Variants in TENM4 observed in about 807,000 individuals in gnomAD.
The protein encoded by TENM4 is teneurin-4.
Under a neutral mutation model 243.3 loss-of-function variants are expected in TENM4, and 82 were observed. The ratio of observed to expected loss-of-function variants is 0.34; its 90% CI spans 0.28 to 0.40. The LOEUF (loss-of-function observed/expected upper bound fraction) is 0.40, where lower values mean the gene tolerates loss of function less well. TENM4 is among the 10% of genes least tolerant of loss of function. The pLI is 1.00. For missense variants in TENM4, 3,138 were observed against 3,673.3 expected, an observed-to-expected ratio of 0.85 and a Z score of 3.77; for synonymous variants, 1,412 against 1,456.3, an observed-to-expected ratio of 0.97 and a Z score of 0.69.
chr11:78,800,483 GT>G (rs1857258145), intron 15 of TENM4, among the ~76,000 whole-genome samples: 1 of 152,120 alleles, frequency 6.6e-6, no homozygotes, highest in Non-Finnish European at 1.5e-5. Flanking sequence ...GAGGGAAGGG[GT>G]TTATGAGGAG....
chr11:78,720,505 A>G, intron 24 of TENM4, 115 bp from the exon 25 acceptor site: 1 of 1,031,778 alleles, frequency 9.7e-7, no homozygotes, highest in Non-Finnish European at 1.5e-6. Context: ...ACAATACTGT[A>G]ATAAATAAAG....
chr11:78,659,836 G>A (rs1020383731), intron 33 of TENM4, among the ~76,000 whole-genome samples: 2 of 152,204 alleles, frequency 1.3e-5, no homozygotes, highest in Admixed American at 1.3e-4. Flanking sequence ...GCCACACTCA[G>A]GAAGGCTCCA....
chr11:79,424,961 C>T (rs1003021584), intron 1 of TENM4, among the ~76,000 whole-genome samples: 2 of 152,116 alleles, frequency 1.3e-5, no homozygotes, highest in Non-Finnish European at 2.9e-5. Flanking sequence ...TCAGGGGTGC[C>T]GAAGTTGAGA....
At chr11:78,933,274 A>G (rs1375827170) in intron 6 of TENM4, among the ~76,000 whole-genome samples, 3 of 152,140 alleles carry the variant, frequency 2.0e-5, no homozygotes, top group Non-Finnish European at 1.5e-5. Flanking sequence ...TAAAATAGAA[A>G]TAATATAAAG....
intron 6 of TENM4, among the ~76,000 whole-genome samples, chr11:78,988,524 G>A (rs1168434319): frequency 6.6e-6 from 1 of 152,204 alleles, no homozygotes; most frequent in African/African-American, 2.4e-5. Context: ...TCTCACTGAT[G>A]AGCTTATATC....
intron 3 of TENM4, among the ~76,000 whole-genome samples, chr11:79,187,331 G>A (rs1183830123): frequency 6.6e-6 from 1 of 152,162 alleles, no homozygotes; most frequent in African/African-American, 2.4e-5. Context: ...AGGAAGACGA[G>A]GCAACCACTG....
intron 3 of TENM4, among the ~76,000 whole-genome samples, chr11:79,153,582 T>C (rs1862549540): frequency 1.3e-5 from 2 of 152,128 alleles, no homozygotes. Context: ...CAAACACCCC[T>C]TAACCTAGAA....
intron 2 of TENM4, among the ~76,000 whole-genome samples, chr11:79,246,481 T>A (rs963732648): frequency 3.9e-5 from 6 of 152,168 alleles, no homozygotes; most frequent in African/African-American, 1.4e-4. Flanking sequence ...TACAAAAATG[T>A]CCATAGCACC....
intron 3 of TENM4, among the ~76,000 whole-genome samples, chr11:79,192,282 G>A (rs1036107945): frequency 1.9e-4 from 29 of 152,224 alleles, no homozygotes; most frequent in Non-Finnish European, 4.4e-5. Context: ...ACAGCTCATT[G>A]AGAATGGGCC....
At chr11:79,117,722 C>A (rs1249630037) in intron 4 of TENM4, among the ~76,000 whole-genome samples, 1 of 152,226 alleles carries the variant, frequency 6.6e-6, no homozygotes. Flanking sequence ...GTAAGGCCAG[C>A]TGAACCTTGC....
At chr11:78,939,899 C>T (rs1427181251) in intron 6 of TENM4, among the ~76,000 whole-genome samples, 1 of 152,040 alleles carries the variant, frequency 6.6e-6, no homozygotes, top group Non-Finnish European at 1.5e-5. Flanking sequence ...TAGCACAATG[C>T]TAGCTATATA....
At chr11:78,707,758 T>C (rs1398110296) in intron 27 of TENM4, among the ~76,000 whole-genome samples, 3 of 152,224 alleles carry the variant, frequency 2.0e-5, no homozygotes, top group African/African-American at 4.8e-5. Context: ...GGCCAAGCAA[T>C]GCTAGGAGTC....
intron 1 of TENM4, among the ~76,000 whole-genome samples, chr11:79,358,208 G>T (rs906108584): frequency 6.6e-6 from 1 of 152,204 alleles, no homozygotes; most frequent in Admixed American, 6.5e-5. Context: ...CATCCACTTA[G>T]TAAGCTGCCC....
intron 9 of TENM4, among the ~76,000 whole-genome samples, chr11:78,865,872 T>C (rs1362904149): frequency 6.6e-6 from 1 of 152,212 alleles, no homozygotes; most frequent in Non-Finnish European, 1.5e-5. Flanking sequence ...ATCTGAGCAA[T>C]GAGTATAGAA....
intron 6 of TENM4, among the ~76,000 whole-genome samples, chr11:78,981,786 T>A (rs1857800341): frequency 6.6e-6 from 1 of 152,194 alleles, no homozygotes; most frequent in South Asian, 2.1e-4. Context: ...TAAGATCTCC[T>A]ACCTCACTGT....
At chr11:79,306,946 G>A (rs1856635558) in intron 1 of TENM4, among the ~76,000 whole-genome samples, 1 of 152,122 alleles carries the variant, frequency 6.6e-6, no homozygotes, top group Non-Finnish European at 1.5e-5. Flanking sequence ...CATAGTCGTG[G>A]ACTCCAAATT....
chr11:78,708,284 G>A, intron 27 of TENM4, 77 bp downstream of exon 27: 1 of 1,579,452 alleles, frequency 6.3e-7, no homozygotes, highest in Non-Finnish European at 8.6e-7. Flanking sequence ...AAAGATGAAT[G>A]GCCAGCAGGC....
At chr11:79,371,395 G>T (rs894521607) in intron 1 of TENM4, among the ~76,000 whole-genome samples, 1 of 152,066 alleles carries the variant, frequency 6.6e-6, no homozygotes, top group Non-Finnish European at 1.5e-5. Context: ...GAATGTTGTG[G>T]GCTTGGTTCT....
intron 1 of TENM4, among the ~76,000 whole-genome samples, chr11:79,346,975 A>C (rs1857336158): frequency 6.6e-6 from 1 of 152,188 alleles, no homozygotes; most frequent in Non-Finnish European, 1.5e-5. Flanking sequence ...CTGCCTTTGC[A>C]GAAGCCTCCA....
Sources: gnomAD v4.1 joint callset for allele counts (sites outside exome capture counted in the v4.1 genomes callset) on GRCh38, gnomAD v4.1.1 for gene constraint, MANE v1.5 for transcripts, NCBI Gene and HGNC (gene_info 2026-07-23, HGNC 2026-07-21) for gene names.